The following PIGN variants were observed in gnomAD, a reference collection of about 807,000 sequenced individuals.
The protein encoded by PIGN is phosphatidylinositol glycan anchor biosynthesis class N.
A neutral mutation model predicts 125.4 loss-of-function variants in PIGN; 117 were observed. That is an observed-to-expected ratio of 0.93 (90% CI 0.80 to 1.09). The LOEUF (loss-of-function observed/expected upper bound fraction) is 1.09. Ranked by LOEUF, PIGN falls within the 50% of genes least tolerant of loss-of-function variation. The pLI is 0.00. For synonymous variants in PIGN, 392 were observed against 377.8 expected, an observed-to-expected ratio of 1.04 and a Z score of -0.44; for missense variants, 1,075 against 1,094.9, an observed-to-expected ratio of 0.98 and a Z score of 0.26.
downstream of PIGN, among the ~76,000 whole-genome samples, chr18:62,037,727 G>A (rs137935117): frequency 1.1e-4 from 17 of 152,250 alleles, no homozygotes; most frequent in Admixed American, 3.9e-4. Context: ...TTTTTCTCTC[G>A]TTACTATCTT....
intron 30 of PIGN, among the ~76,000 whole-genome samples, chr18:62,065,702 C>T (rs558403729): frequency 1.3e-5 from 2 of 152,000 alleles, no homozygotes; most frequent in East Asian, 3.9e-4. Context: ...CGCCACTGCA[C>T]TCCAGCCTGG....
chr18:62,118,035 T>C (rs2035155798), intron 14 of PIGN, among the ~76,000 whole-genome samples: 2 of 152,152 alleles, frequency 1.3e-5, no homozygotes, highest in African/African-American at 4.8e-5. Flanking sequence ...AGTACTGCAA[T>C]AAACATAGGA....
chr18:62,100,936 T>C (rs1231145148), intron 22 of PIGN, 139 bp downstream of exon 22: 3 of 653,140 alleles, frequency 4.6e-6, no homozygotes, highest in African/African-American at 1.8e-5. Flanking sequence ...CAGCAAGAGA[T>C]AGAAATAATA....
At chr18:62,146,556 T>C (rs538004502) in intron 9 of PIGN, among the ~76,000 whole-genome samples, 2 of 152,318 alleles carry the variant, frequency 1.3e-5, no homozygotes, top group Admixed American at 6.5e-5. Context: ...CTTTGCTTTA[T>C]TTTGTTCTCT....
chr18:62,034,528 G>T (rs1599377468), intron 23 of PIGN, among the ~76,000 whole-genome samples: 1 of 152,210 alleles, frequency 6.6e-6, no homozygotes, highest in Admixed American at 6.5e-5. Context: ...AAACCACAGG[G>T]GTGGAGCTGC....
chr18:62,109,094 A>C (rs2034771665), intron 17 of PIGN, among the ~76,000 whole-genome samples: 1 of 152,188 alleles, frequency 6.6e-6, no homozygotes. Flanking sequence ...GATATCCATG[A>C]CTAAGTTTAA....
intron 23 of PIGN, among the ~76,000 whole-genome samples, chr18:62,025,393 T>C (rs910898566): frequency 1.3e-5 from 2 of 152,172 alleles, no homozygotes; most frequent in African/African-American, 4.8e-5. Flanking sequence ...TTAGAGATAA[T>C]AGGTGTTTCA....
At position 62,148,050 on chromosome 18, in the gene PIGN, C is replaced by T. The variant is rs570656969; in HGVS notation, c.674+164G>A. Among the ~76,000 whole-genome samples, 149 of 151,986 alleles carry T rather than the reference C, an allele frequency of 9.8e-4. 1 individual carries two copies. Among genetic ancestry groups the T allele is most frequent in the African/African-American group, 3.4e-3 (143 of 41,488 alleles). ...CTGGATACAGCACATATGATTTAAACGACTATATTGGAAATCTCATATAAT... is the reference window on the plus strand; with the variant it reads ...CTGGATACAGCACATATGATTTAAATGACTATATTGGAAATCTCATATAAT... On this transcript the variant is annotated intron_variant, in intron 8 of 30. Coordinates refer to ENST00000640252, the MANE Select transcript of PIGN (RefSeq NM_176787.5).
intron 23 of PIGN, among the ~76,000 whole-genome samples, chr18:62,032,827 G>C (rs539588300): frequency 1.3e-5 from 2 of 152,178 alleles, no homozygotes; most frequent in Non-Finnish European, 2.9e-5. Flanking sequence ...TTAAAACAGC[G>C]TCTGGCACAT....
rs1555696947 is a variant in PIGN at position 62,157,817 on chromosome 18, T to C, written c.222-9A>G. 6.2e-6 allele frequency: 10 copies of C among 1,604,464 alleles called. No homozygotes were observed. The South Asian group carries it at 8.9e-5, about 14-fold the overall frequency. ...CATGCATTATGATATTCCTAAAAGA[T>C]ATTAAAGACAAATAGTTAACACAGA... is the stretch of plus-strand genomic sequence containing the variant. On this transcript the variant is annotated splice_polypyrimidine_tract_variant and intron_variant, in intron 4 of 30. Coordinates refer to ENST00000640252, the MANE Select transcript of PIGN (RefSeq NM_176787.5).
chr18:62,096,778 G>A (rs1411380085), intron 22 of PIGN, among the ~76,000 whole-genome samples: 9 of 127,028 alleles, frequency 7.1e-5, no homozygotes, highest in Non-Finnish European at 1.3e-4. Flanking sequence ...GAGAATATGC[G>A]GTGTTTGGTT....
At chr18:62,064,145 T>A (rs2032368015) in intron 30 of PIGN, among the ~76,000 whole-genome samples, 1 of 152,244 alleles carries the variant, frequency 6.6e-6, no homozygotes, top group African/African-American at 2.4e-5. Flanking sequence ...CTTGGCATAA[T>A]GTTTCCTGTC....
chr18:62,088,678 C>T, intron 25 of PIGN, 78 bp downstream of exon 25: 1 of 783,058 alleles, frequency 1.3e-6, no homozygotes, highest in South Asian at 1.5e-5. Context: ...AAGTGATGGG[C>T]AGAAACACCT....
At position 62,151,371 on chromosome 18, in the gene PIGN, T is replaced by C. The variant is rs118001640; in HGVS notation, c.550-3033A>G. On this transcript the variant is annotated intron_variant, in intron 7 of 30. Transcript: ENST00000640252. Reference sequence around the variant, plus strand: ...ACACTTGCTGCACTAAAGTGTTAACTGAATGCAAGCACCAGAGAGATGCAA... The same window carrying C: ...ACACTTGCTGCACTAAAGTGTTAACCGAATGCAAGCACCAGAGAGATGCAA... Among the ~76,000 whole-genome samples, 1,453 of 152,266 alleles carry C rather than the reference T, an allele frequency of 9.5e-3. 44 individuals carry two copies. The highest frequency in any genetic ancestry group is 0.066 in the East Asian group (344 of 5,176).
chr18:62,087,019 T>A (rs1017538777), intron 25 of PIGN, among the ~76,000 whole-genome samples: 1 of 152,136 alleles, frequency 6.6e-6, no homozygotes, highest in African/African-American at 2.4e-5. Context: ...TATTTGGTGA[T>A]GCCCAGCAGA....
Position 62,045,713 on chromosome 18 carries a change from T to G in PIGN, c.*143A>C. 2 of 705,710 alleles carry G rather than the reference T, an allele frequency of 2.8e-6. No homozygotes were observed. The highest frequency in any genetic ancestry group is 4.4e-6 in the Non-Finnish European group (2 of 457,730). 43.7% of individuals were successfully genotyped at this position (705,710 alleles called of 1,614,324 possible). A position where few individuals can be genotyped will look rare whatever the true frequency, so the allele number is the denominator to read the frequency against. ...AAGCTCCTTTGTTCCAGATAACCTG[T>G]CAATTCGGAATTCCAAATACCATTT... On this transcript the variant is annotated 3_prime_UTR_variant, in exon 31 of 31. Coordinates refer to ENST00000640252, the MANE Select transcript of PIGN (RefSeq NM_176787.5).
intron 14 of PIGN, among the ~76,000 whole-genome samples, chr18:62,118,350 T>C (rs1054558498): frequency 4.0e-5 from 6 of 151,870 alleles, no homozygotes; most frequent in South Asian, 2.1e-4. Context: ...GCTTTGGGCA[T>C]AGCAATGCTC....
intron 14 of PIGN, among the ~76,000 whole-genome samples, chr18:62,125,722 C>T (rs1352499989): frequency 6.6e-6 from 1 of 151,936 alleles, no homozygotes. Context: ...GTATGTCTAA[C>T]TTGAATTTGT....
At chr18:62,180,942 T>C (rs1318222370) in intron 1 of PIGN, among the ~76,000 whole-genome samples, 1 of 152,136 alleles carries the variant, frequency 6.6e-6, no homozygotes, top group Middle Eastern at 3.2e-3. Context: ...ATTCTTCTAA[T>C]AGTTTTAGAT....
Sources: allele counts gnomAD v4.1 joint callset (sites outside exome capture counted in the v4.1 genomes callset), GRCh38; gene constraint gnomAD v4.1.1; transcripts MANE v1.5; gene names NCBI Gene and HGNC (gene_info 2026-07-23, HGNC 2026-07-21).